Variants in DMXL2 observed in about 807,000 individuals in gnomAD.
DMXL2 encodes the protein dmX-like protein 2.
In DMXL2, 103 loss-of-function variants were observed where a neutral mutation model predicts 331.1. The ratio of observed to expected loss-of-function variants is 0.31; its 90% CI spans 0.27 to 0.37. The LOEUF (loss-of-function observed/expected upper bound fraction) is 0.37, where lower values mean the gene tolerates loss of function less well. Ranked by LOEUF, DMXL2 falls within the 10% of genes least tolerant of loss-of-function variation. The probability of loss-of-function intolerance (pLI) is 1.00; values close to 1 mark genes in which losing one functional copy is unlikely to be tolerated. For missense variants in DMXL2, 3,171 were observed against 3,642.9 expected (o/e 0.87, Z 3.33); for synonymous variants, 1,281 against 1,252.1 (o/e 1.02, Z -0.49).
intron 13 of DMXL2, among the ~76,000 whole-genome samples, chr15:51,532,304 CACTT>C (rs1430898176): frequency 6.6e-6 from 1 of 151,962 alleles, no homozygotes; most frequent in Non-Finnish European, 1.5e-5. Context: ...TGCATGTCCT[CACTT>C]ATTTATGGGA....
intron 33 of DMXL2, chr15:51,460,146 A>C: frequency 5.1e-6 from 5 of 978,452 alleles, no homozygotes; most frequent in Non-Finnish European, 6.1e-6. Flanking sequence ...GTTTAATAAA[A>C]TCAGGCACGG....
chr15:51,611,971 A>G (rs1383082146), intron 1 of DMXL2, among the ~76,000 whole-genome samples: 1 of 152,200 alleles, frequency 6.6e-6, no homozygotes, highest in African/African-American at 2.4e-5. Flanking sequence ...GTCCCCTTCC[A>G]TGCTGTGGAA....
Position 51,536,164 on chromosome 15 carries a change from A to ATAAG in DMXL2, c.2314+1_2314+2insCTTA, listed in dbSNP as rs1431804418. ...AATTTCACAATTACAATGAACACTTACCTAGACAGTAACTGGGAATGAGAG... is the reference window on the plus strand; with the variant it reads ...AATTTCACAATTACAATGAACACTTATAAGCCTAGACAGTAACTGGGAATGAGAG... On this transcript the variant is annotated splice_donor_variant, in intron 12 of 43. Coordinates refer to ENST00000560891, the MANE Select transcript of DMXL2 (RefSeq NM_001378457.1). LOFTEE classifies it high-confidence loss of function. 6.4e-7 allele frequency: 1 copy of ATAAG among 1,571,420 alleles called. No individual in the cohort carries two copies. The highest frequency in any genetic ancestry group is 8.6e-7 in the Non-Finnish European group (1 of 1,160,818).
In DMXL2 at chr15:51,495,147, C is replaced by T; in HGVS notation, c.4673-13G>A. 1 of 1,572,334 alleles carries T rather than the reference C, an allele frequency of 6.4e-7. No homozygotes were observed. The highest frequency in any genetic ancestry group is 8.7e-7 in the Non-Finnish European group (1 of 1,143,742). The stretch of plus-strand genomic sequence containing the variant: ...AATGTATCTCTTCCTGTAATTTAAA[C>T]AGGAAATATGTTTAAGGAAAAAAGA... On this transcript the variant is annotated splice_polypyrimidine_tract_variant and intron_variant, in intron 18 of 43. Transcript: ENST00000560891.
At chr15:51,615,778 G>T (rs931918385) in intron 1 of DMXL2, among the ~76,000 whole-genome samples, 9 of 152,188 alleles carry the variant, frequency 5.9e-5, no homozygotes, top group Admixed American at 5.9e-4. Flanking sequence ...GAGATGATAT[G>T]AAGAAGTTGC....
At chr15:51,535,627 C>T in intron 13 of DMXL2, 36 bp downstream of exon 13, 1 of 1,539,920 alleles carries the variant, frequency 6.5e-7, no homozygotes, top group Non-Finnish European at 8.8e-7. Context: ...TTCTTTATCT[C>T]CTTAGATAAA....
intron 19 of DMXL2, 83 bp downstream of exon 19, chr15:51,494,941 A>G (rs2043067159): frequency 1.1e-6 from 1 of 944,038 alleles, no homozygotes; most frequent in South Asian, 1.5e-5. Flanking sequence ...GACTTACCTA[A>G]TGTTTACACA....
intron 1 of DMXL2, among the ~76,000 whole-genome samples, chr15:51,595,023 T>C (rs75494332): frequency 0.49 from 72,887 of 149,826 alleles, 17,835 homozygotes; most frequent in Non-Finnish European, 0.52. Context: ...GACAGGGATG[T>C]CCTCTCTCAC....
At chr15:51,592,588 C>T (rs1312094428) in intron 1 of DMXL2, among the ~76,000 whole-genome samples, 2 of 152,106 alleles carry the variant, frequency 1.3e-5, no homozygotes, top group Non-Finnish European at 2.9e-5. Context: ...TACTCCTTGA[C>T]AAGAGCAACT....
chr15:51,500,680 T>G (rs1460224446), intron 17 of DMXL2, among the ~76,000 whole-genome samples: 3 of 152,196 alleles, frequency 2.0e-5, no homozygotes, highest in Admixed American at 6.5e-5. Context: ...TAACCTTCTC[T>G]CAAATAATCC....
At chr15:51,519,755 G>C (rs1212873122) in intron 13 of DMXL2, among the ~76,000 whole-genome samples, 3 of 145,890 alleles carry the variant, frequency 2.1e-5, no homozygotes, top group Non-Finnish European at 4.5e-5. Context: ...TGATTCTCCT[G>C]TCTTAGCCTC....
At chr15:51,603,495 T>C (rs934566886) in intron 1 of DMXL2, 1 of 152,124 alleles carries the variant, frequency 6.6e-6, no homozygotes, top group African/African-American at 2.4e-5. Context: ...CAGGCCCAGA[T>C]TGTTTCACTT....
chr15:51,456,726 G>A (rs1054167695), intron 37 of DMXL2, among the ~76,000 whole-genome samples: 2 of 152,166 alleles, frequency 1.3e-5, no homozygotes, highest in Non-Finnish European at 2.9e-5. Flanking sequence ...TTACTGACAT[G>A]CTTTCAAGCA....
chr15:51,549,234 C>A (rs2049060145), intron 6 of DMXL2, among the ~76,000 whole-genome samples: 1 of 152,094 alleles, frequency 6.6e-6, no homozygotes, highest in Non-Finnish European at 1.5e-5. Context: ...TCCTGAGTTA[C>A]TTCACTTAGA....
chr15:51,606,387 G>C (rs9944264), intron 1 of DMXL2, among the ~76,000 whole-genome samples: 72,081 of 151,800 alleles, frequency 0.47, 17,513 homozygotes, highest in Non-Finnish European at 0.52. Flanking sequence ...GTAGAGACAG[G>C]GTTTCACCAG....
At chr15:51,502,757 A>G in intron 17 of DMXL2, 49 bp downstream of exon 17, 1 of 1,257,368 alleles carries the variant, frequency 8.0e-7, no homozygotes, top group Non-Finnish European at 1.2e-6. Context: ...AAGAGTTCAT[A>G]TATTTTATCA....
intron 13 of DMXL2, among the ~76,000 whole-genome samples, chr15:51,528,793 C>G (rs1028319460): frequency 6.6e-6 from 1 of 151,562 alleles, no homozygotes; most frequent in Non-Finnish European, 1.5e-5. Flanking sequence ...TTTCATCCAA[C>G]AGCTACAGAA....
Position 51,453,611 on chromosome 15 carries a change from C to T in DMXL2, c.8635G>A (p.Asp2879Asn). 1 of 1,613,724 alleles carries T rather than the reference C, an allele frequency of 6.2e-7. No homozygotes were observed. The highest frequency in any genetic ancestry group is 2.2e-5 in the East Asian group (1 of 44,806). ...CTTGAAGAGGTAATAAATGCAAAGTCACTTGTGGCTTTACTGTGGCACTGC... is the reference window on the plus strand; with the variant it reads ...CTTGAAGAGGTAATAAATGCAAAGTTACTTGTGGCTTTACTGTGGCACTGC... Reference protein sequence around the residue: ...SWQCHSKATSDFAFITSSSLV... With the variant: ...SWQCHSKATSNFAFITSSSLV... Residue 2879 changes from aspartate (D) to asparagine (N), a missense_variant, in exon 41 of 44, where the codon GAC (aspartate) becomes AAC (asparagine). This residue lies in a region of DMXL2 where 766 missense variants were observed against 940.5 expected (regional missense o/e 0.81). Coordinates refer to ENST00000560891, the MANE Select transcript of DMXL2 (RefSeq NM_001378457.1).
intron 13 of DMXL2, among the ~76,000 whole-genome samples, chr15:51,527,456 T>C (rs544561370): frequency 1.5e-4 from 22 of 149,594 alleles, no homozygotes; most frequent in Non-Finnish European, 2.8e-4. Flanking sequence ...GGGCCAGGCG[T>C]GGTGGCTCAT....
Sources: allele counts gnomAD v4.1 joint callset (sites outside exome capture counted in the v4.1 genomes callset), GRCh38; gene constraint gnomAD v4.1.1; regional missense constraint gnomAD v4.1.1; transcripts MANE v1.5; gene names NCBI Gene and HGNC (gene_info 2026-07-23, HGNC 2026-07-21).